Variants in HCRTR1 observed in about 807,000 individuals in gnomAD.
HCRTR1 encodes the protein hypocretin receptor 1, also known as orexin/Hypocretin receptor type 1.
Under a neutral mutation model 40.6 loss-of-function variants are expected in HCRTR1, and 28 were observed. That is an observed-to-expected ratio of 0.69 (90% CI 0.51 to 0.95). The LOEUF is 0.95. HCRTR1 is among the 40% of genes least tolerant of loss of function. The probability of loss-of-function intolerance (pLI) is 0.00; values close to 1 mark genes in which losing one functional copy is unlikely to be tolerated. For missense variants in HCRTR1, 482 were observed against 564.7 expected (o/e 0.85, Z 1.48); for synonymous variants, 209 against 230.0 (o/e 0.91, Z 0.83).
chr1:31,634,355 C>T (rs544564536), downstream of HCRTR1, among the ~76,000 whole-genome samples: 1 of 152,302 alleles, frequency 6.6e-6, no homozygotes, highest in Non-Finnish European at 1.5e-5. Context: ...TCCTTACTAG[C>T]TTGTGTGACT....
chr1:31,621,693 A>C, intron 6 of HCRTR1, 101 bp downstream of exon 6: 1 of 849,968 alleles, frequency 1.2e-6, no homozygotes, highest in Non-Finnish European at 1.9e-6. Context: ...CCATCAGCAC[A>C]TGCCATCTTG....
intron 6 of HCRTR1, 92 bp downstream of exon 6, chr1:31,621,684 C>T: frequency 3.4e-6 from 3 of 888,050 alleles, no homozygotes; most frequent in Non-Finnish European, 5.5e-6. Flanking sequence ...AGTCCTCTGC[C>T]ATCAGCACAT....
intron 6 of HCRTR1, among the ~76,000 whole-genome samples, chr1:31,622,252 C>T (rs547166083): frequency 6.6e-6 from 1 of 152,220 alleles, no homozygotes; most frequent in East Asian, 1.9e-4. Flanking sequence ...GGCCCTTGGC[C>T]TAGCGAGTGG....
chr1:31,632,275 G>T, downstream of HCRTR1: 1 of 791,648 alleles, frequency 1.3e-6, no homozygotes, highest in Non-Finnish European at 2.2e-6. Context: ...CCAGGGTCCA[G>T]CCCTGATTCT....
chr1:31,630,676 T>C, downstream of HCRTR1: 1 of 1,613,762 alleles, frequency 6.2e-7, no homozygotes, highest in South Asian at 1.1e-5. Flanking sequence ...TGTTGCCTTG[T>C]ACAGCTGTGT....
At position 31,626,624 on chromosome 1, in the gene HCRTR1, G is replaced by GCGGTGC. The variant is rs999420685; in HGVS notation, c.1088-163_1088-158dup. On this transcript the variant is annotated intron_variant, in intron 8 of 8. Coordinates refer to ENST00000403528, the MANE Select transcript of HCRTR1 (RefSeq NM_001525.3). This position sits in a 1 kb window ranked among gnomAD's most constrained non-coding sequence, Gnocchi z 4.6. ...CCAGGGCTTCTGTCCTCTCTCTCTG[G>GCGGTGC]CGGTGCCGAGGTTGCCTCAGGGCTC... Among the ~76,000 whole-genome samples, 3 of 152,028 alleles carry GCGGTGC rather than the reference G, an allele frequency of 2.0e-5. No homozygotes were observed. Among genetic ancestry groups the GCGGTGC allele is most frequent in the African/African-American group, 7.3e-5 (3 of 41,370 alleles).
chr1:31,624,662 ACT>A (rs1639936050), intron 7 of HCRTR1, among the ~76,000 whole-genome samples: 1 of 152,128 alleles, frequency 6.6e-6, no homozygotes, highest in South Asian at 2.1e-4. Context: ...TCGGCATGTC[ACT>A]TTACTTCTCT....
At chr1:31,619,921 C>A (rs1281841459) in intron 4 of HCRTR1, among the ~76,000 whole-genome samples, 1 of 152,186 alleles carries the variant, frequency 6.6e-6, no homozygotes, top group African/African-American at 2.4e-5. Context: ...CACAGAGATC[C>A]CCTCCTGGTC....
At chr1:31,628,859 A>G (rs1446933997), downstream of HCRTR1, among the ~76,000 whole-genome samples, 1 of 152,182 alleles carries the variant, frequency 6.6e-6, no homozygotes, top group South Asian at 2.1e-4. Context: ...GACTTGGGGA[A>G]AATGTGGTAT....
At position 31,625,613 on chromosome 1, in the gene HCRTR1, C is replaced by T. The variant is rs1250777340; in HGVS notation, c.1087+495C>T. On this transcript the variant is annotated intron_variant, in intron 8 of 8. Transcript: ENST00000403528. This position sits in a 1 kb window ranked among gnomAD's most constrained non-coding sequence, Gnocchi z 4.2. ...TCGCCGGCTCAGCTAGACACACTGG[C>T]AGAGTGACCGGAATCTCAGGGGTTG... 6.6e-6 allele frequency among the ~76,000 whole-genome samples: 1 copy of T among 152,170 alleles called. No homozygotes were observed. The highest frequency in any genetic ancestry group is 1.5e-5 in the Non-Finnish European group (1 of 68,024).
chr1:31,620,429 CA>C (rs928002526), intron 4 of HCRTR1, among the ~76,000 whole-genome samples: 2 of 152,190 alleles, frequency 1.3e-5, no homozygotes, highest in Non-Finnish European at 2.9e-5. Context: ...AGCATAAAGA[CA>C]GATGGATGAG....
intron 4 of HCRTR1, among the ~76,000 whole-genome samples, 191 bp downstream of exon 4, chr1:31,619,901 C>G (rs1268905468): frequency 6.6e-6 from 1 of 152,198 alleles, no homozygotes; most frequent in Admixed American, 6.5e-5. Flanking sequence ...CAGACACAAC[C>G]CCACACACTC....
chr1:31,619,270 C>G lies in HCRTR1; in HGVS notation c.78C>G (p.Asp26Glu). 6.2e-7 allele frequency: 1 copy of G among 1,614,132 alleles called. No homozygotes were observed. Among genetic ancestry groups the G allele is most frequent in the Non-Finnish European group, 8.5e-7 (1 of 1,180,042 alleles). The change falls in exon 3 of 9, where the codon GAC (aspartate) becomes GAG (glutamate). Residue 26 changes from aspartate (D) to glutamate (E), a missense_variant. By Grantham distance (45) the Asp-to-Glu change is conservative (BLOSUM62 2). Coordinates refer to ENST00000403528, the MANE Select transcript of HCRTR1 (RefSeq NM_001525.3). ...GAGAGCCGTCCCCTGTGCCTCCAGA[C>G]TATGAAGATGAGTTTCTCCGCTATC... ...GSREPSPVPPDYEDEFLRYLW... is the reference protein window; with the variant it reads ...GSREPSPVPPEYEDEFLRYLW...
rs1639995069 is a variant in HCRTR1, at chr1:31,627,049, G to A, written c.*69G>A. 6.5e-7 allele frequency: 1 copy of A among 1,547,922 alleles called. No individual in the cohort carries two copies. Among genetic ancestry groups the A allele is most frequent in the South Asian group, 1.2e-5 (1 of 82,124 alleles). On this transcript the variant is annotated 3_prime_UTR_variant, in exon 9 of 9. Coordinates refer to ENST00000403528, the MANE Select transcript of HCRTR1 (RefSeq NM_001525.3). The stretch of plus-strand genomic sequence containing the variant: ...ACCCCTCATGGAAAGACAGCTGGAT[G>A]TGGTGAAAGGCTGTGGCTTCAGTCC...
Position 31,625,205 on chromosome 1 carries a change from A to C in HCRTR1, c.1087+87A>C. ...CCATCCCCAAGCCAGGGCCCAAATAAAGGATGGTGGGTGAGGATGTACCTG... is the reference window on the plus strand; with the variant it reads ...CCATCCCCAAGCCAGGGCCCAAATACAGGATGGTGGGTGAGGATGTACCTG... On this transcript the variant is annotated intron_variant, in intron 8 of 8. Transcript: ENST00000403528. This position sits in a 1 kb window ranked among gnomAD's most constrained non-coding sequence, Gnocchi z 4.2. The C allele has an allele frequency of 2.1e-6, 3 of 1,402,022 alleles. No homozygotes were observed. The highest frequency in any genetic ancestry group is 2.9e-6 in the Non-Finnish European group (3 of 1,046,570). 86.8% of individuals were successfully genotyped at this position (1,402,022 alleles called of 1,614,324 possible).
chr1:31,628,300 C>T (rs74701888), downstream of HCRTR1, among the ~76,000 whole-genome samples: 1 of 152,228 alleles, frequency 6.6e-6, no homozygotes, highest in African/African-American at 2.4e-5. Flanking sequence ...CCCCGCTTTA[C>T]CCAGAGCAGG....
chr1:31,625,266 C>T lies in HCRTR1; in HGVS notation c.1087+148C>T, dbSNP rs1639951746. 6 of 988,922 alleles carry T rather than the reference C, an allele frequency of 6.1e-6. No individual in the cohort carries two copies. The highest frequency in any genetic ancestry group is 5.7e-5 in the South Asian group (3 of 53,052). The allele number at this position is 988,922 out of a possible 1,614,324, so 61.3% of individuals were successfully genotyped here. A position where few individuals can be genotyped will look rare whatever the true frequency, so the allele number is the denominator to read the frequency against. ...AGTGATCCTGCTCTGGGAGGACCCA[C>T]CCCAAGCGGCCCTGGCCTGAGTGGG... On this transcript the variant is annotated intron_variant, in intron 8 of 8. Coordinates refer to ENST00000403528, the MANE Select transcript of HCRTR1 (RefSeq NM_001525.3). This position sits in a 1 kb window ranked among gnomAD's most constrained non-coding sequence, Gnocchi z 4.2.
At chr1:31,632,913 G>A (rs1233426301), downstream of HCRTR1, among the ~76,000 whole-genome samples, 2 of 152,190 alleles carry the variant, frequency 1.3e-5, no homozygotes, top group Admixed American at 6.5e-5. Flanking sequence ...ACAGGGGAGG[G>A]AGTACCATTC....
chr1:31,625,212 GTGGGTGAGGATGTACCTGC>G lies in HCRTR1; in HGVS notation c.1087+97_1087+115del. The stretch of plus-strand genomic sequence containing the variant: ...CAAGCCAGGGCCCAAATAAAGGATG[GTGGGTGAGGATGTACCTGC>G]TGTGGGCACAGTGATCCTGCTCTGG... On this transcript the variant is annotated intron_variant, in intron 8 of 8. Coordinates refer to ENST00000403528, the MANE Select transcript of HCRTR1 (RefSeq NM_001525.3). This position sits in a 1 kb window ranked among gnomAD's most constrained non-coding sequence, Gnocchi z 4.2. 2 of 1,390,356 alleles carry G rather than the reference GTGGGTGAGGATGTACCTGC, an allele frequency of 1.4e-6. No homozygotes were observed. Among genetic ancestry groups the G allele is most frequent in the Non-Finnish European group, 1.9e-6 (2 of 1,038,062 alleles). 86.1% of individuals were successfully genotyped at this position (1,390,356 alleles called of 1,614,324 possible). A position where few individuals can be genotyped will look rare whatever the true frequency, so the allele number is the denominator to read the frequency against.
Sources: allele counts gnomAD v4.1 joint callset (sites outside exome capture counted in the v4.1 genomes callset), GRCh38; gene constraint gnomAD v4.1.1; non-coding constraint Gnocchi (gnomAD v3.1); transcripts MANE v1.5; gene names NCBI Gene and HGNC (gene_info 2026-07-23, HGNC 2026-07-21).